The following PIP5K1C variants were observed in gnomAD, a reference collection of about 807,000 sequenced individuals.
PIP5K1C encodes phosphatidylinositol 4-phosphate 5-kinase type-1 gamma.
In PIP5K1C, 45 loss-of-function variants were observed where a neutral mutation model predicts 80.1. The ratio of observed to expected loss-of-function variants is 0.56; its 90% CI spans 0.44 to 0.72. PIP5K1C has a LOEUF of 0.72. Among genes scored for constraint, PIP5K1C ranks in the 30% least tolerant of loss-of-function variants. The pLI is 0.00. For missense variants in PIP5K1C, 753 were observed against 954.6 expected, an observed-to-expected ratio of 0.79 and a Z score of 2.78; for synonymous variants, 498 against 420.1, an observed-to-expected ratio of 1.19 and a Z score of -2.27.
chr19:3,682,444 C>T (rs995400455), intron 1 of PIP5K1C, among the ~76,000 whole-genome samples: 4 of 151,756 alleles, frequency 2.6e-5, no homozygotes, highest in African/African-American at 7.3e-5. Flanking sequence ...CACTTGGAGG[C>T]CGAGGTGGGA....
Position 3,633,418 on chromosome 19 carries a change from G to C in PIP5K1C, c.2004+19C>G. 1.4e-6 allele frequency: 2 copies of C among 1,443,464 alleles called. No homozygotes were observed. Among genetic ancestry groups the C allele is most frequent in the Non-Finnish European group, 1.8e-6 (2 of 1,091,634 alleles). The allele number at this position is 1,443,464 out of a possible 1,614,324, so 89.4% of individuals were successfully genotyped here. A position where few individuals can be genotyped will look rare whatever the true frequency, so the allele number is the denominator to read the frequency against. On this transcript the variant is annotated intron_variant, in intron 17 of 17. Coordinates refer to ENST00000335312, the MANE Select transcript of PIP5K1C (RefSeq NM_012398.3). ...CTTGGAGCCCACGGGACCGGCGGGT[G>C]CACCTGGGCTGCACTTACTGTGTCG... is the stretch of plus-strand genomic sequence containing the variant.
intron 1 of PIP5K1C, among the ~76,000 whole-genome samples, chr19:3,677,702 G>A (rs1399531909): frequency 5.5e-5 from 8 of 145,730 alleles, no homozygotes; most frequent in African/African-American, 1.5e-4. Context: ...GAGGGATGGC[G>A]GAATGGAGGG....
chr19:3,647,773 C>T (rs1434543293), intron 9 of PIP5K1C, among the ~76,000 whole-genome samples: 2 of 152,142 alleles, frequency 1.3e-5, no homozygotes, highest in Non-Finnish European at 2.9e-5. Flanking sequence ...ATGGTGAAAC[C>T]CCATCTCTAC....
intron 16 of PIP5K1C, chr19:3,636,405 T>G (rs2033688323): frequency 1.0e-6 from 1 of 985,338 alleles, no homozygotes; most frequent in Admixed American, 6.1e-5. Context: ...CTTCCGCTTC[T>G]GCTGTGCCTG....
chr19:3,637,941 C>G lies in PIP5K1C; in HGVS notation c.1920+943G>C, dbSNP rs1348109609. On this transcript the variant is annotated intron_variant, in intron 16 of 17. Coordinates refer to ENST00000335312, the MANE Select transcript of PIP5K1C (RefSeq NM_012398.3). This position sits in a 1 kb window ranked among gnomAD's most constrained non-coding sequence, Gnocchi z 7.0. ...TGACGACGTGCGGTGGGTAGGGGCACAGGCACGCGGCCCGTCCCTCCCTTC... is the reference window on the plus strand; with the variant it reads ...TGACGACGTGCGGTGGGTAGGGGCAGAGGCACGCGGCCCGTCCCTCCCTTC... 24 of 1,534,988 alleles carry G rather than the reference C, an allele frequency of 1.6e-5. No homozygotes were observed. Among genetic ancestry groups the G allele is most frequent in the Non-Finnish European group, 2.1e-5 (24 of 1,146,638 alleles).
chr19:3,680,440 G>C (rs60822063), intron 1 of PIP5K1C, among the ~76,000 whole-genome samples: 85 of 152,230 alleles, frequency 5.6e-4, no homozygotes, highest in African/African-American at 2.0e-3. Context: ...GAGTAGCTGG[G>C]ATTAAAGGGA....
chr19:3,687,958 G>A (rs2035816156), intron 1 of PIP5K1C, among the ~76,000 whole-genome samples: 1 of 152,218 alleles, frequency 6.6e-6, no homozygotes, highest in Non-Finnish European at 1.5e-5. Context: ...GGGAGAAAGA[G>A]GCTCCACTCT....
At position 3,637,719 on chromosome 19, in the gene PIP5K1C, G is replaced by A; in HGVS notation, c.1920+1165C>T. ...TGGGAGAGGCGGAGGGAGGTGGCGGGGAGCAGGTGGGGACAGCTGACTGCC... is the reference window on the plus strand; with the variant it reads ...TGGGAGAGGCGGAGGGAGGTGGCGGAGAGCAGGTGGGGACAGCTGACTGCC... On this transcript the variant is annotated intron_variant, in intron 16 of 17. Transcript: ENST00000335312. The surrounding 1 kb of genome is among the most constrained non-coding windows in gnomAD (Gnocchi z 7.0). 1 of 1,514,680 alleles carries A rather than the reference G, an allele frequency of 6.6e-7. No homozygotes were observed. Among genetic ancestry groups the A allele is most frequent in the Non-Finnish European group, 8.8e-7 (1 of 1,135,872 alleles). 93.8% of individuals were successfully genotyped at this position (1,514,680 alleles called of 1,614,324 possible). A position where few individuals can be genotyped will look rare whatever the true frequency, so the allele number is the denominator to read the frequency against.
At chr19:3,635,577 C>T (rs1254231068) in intron 16 of PIP5K1C, among the ~76,000 whole-genome samples, 2 of 152,252 alleles carry the variant, frequency 1.3e-5, no homozygotes, top group South Asian at 2.1e-4. Flanking sequence ...CCCAGCAACT[C>T]GGGAGGCTGA....
chr19:3,661,569 C>T (rs1186771164), intron 4 of PIP5K1C, among the ~76,000 whole-genome samples: 8 of 152,252 alleles, frequency 5.3e-5, no homozygotes, highest in Admixed American at 5.2e-4. Context: ...AGAAGGATCC[C>T]AGGACCCCAA....
rs115487966 is a variant in PIP5K1C at position 3,660,939 on chromosome 19, G to A, written c.468+27C>T. 3,444 of 1,561,200 alleles carry A rather than the reference G, an allele frequency of 2.2e-3. 59 individuals carry two copies. The African/African-American group carries it at 0.041, about 18-fold the overall frequency. ...CTGAACATGTTCTGTTTCAAGCCTG[G>A]AAGCCCGTAACAGCAAATATGCTTA... On this transcript the variant is annotated intron_variant, in intron 5 of 17. Coordinates refer to ENST00000335312, the MANE Select transcript of PIP5K1C (RefSeq NM_012398.3).
rs376705085 is a variant in PIP5K1C, at chr19:3,667,423, G to A, written c.95-70C>T. 1.6e-5 allele frequency: 25 copies of A among 1,583,096 alleles called. No individual in the cohort carries two copies. The African/African-American group carries it at 2.4e-4, about 15-fold the overall frequency. ...TCTGGGAGTCCTGGGCCCAGCCCCC[G>A]GCCCACCTTCTGGCGCCCCAGGCCT... On this transcript the variant is annotated intron_variant, in intron 1 of 17. Transcript: ENST00000335312.
chr19:3,653,316 C>T lies in PIP5K1C; in HGVS notation c.895G>A (p.Val299Ile), dbSNP rs1416022345. 1.2e-6 allele frequency: 2 copies of T among 1,609,768 alleles called. No homozygotes were observed. The highest frequency in any genetic ancestry group is 4.5e-5 in the East Asian group (2 of 44,888). Reference sequence around the variant, plus strand: ...AGGCAGTCCCGCTGCAGCGTCTTGACCAGGGCGCTGAAGGTGTCGGCGTCC... The same window carrying T: ...AGGCAGTCCCGCTGCAGCGTCTTGATCAGGGCGCTGAAGGTGTCGGCGTCC... ...LLDADTFSALVKTLQRDCLVL... is the reference protein window; with the variant it reads ...LLDADTFSALIKTLQRDCLVL... Residue 299 changes from valine to isoleucine, a missense_variant, in exon 7 of 18, where the codon GTC (valine) becomes ATC (isoleucine). Transcript: ENST00000335312.
chr19:3,646,137 G>GT, intron 10 of PIP5K1C, 79 bp from the exon 11 acceptor site: 1 of 840,434 alleles, frequency 1.2e-6, no homozygotes. Context: ...GACAGACGCT[G>GT]TATGTGTGTG....
In PIP5K1C at chr19:3,659,726, G is replaced by T. The variant is rs369092384; in HGVS notation, c.468+1240C>A. On this transcript the variant is annotated intron_variant, in intron 5 of 17. Coordinates refer to ENST00000335312, the MANE Select transcript of PIP5K1C (RefSeq NM_012398.3). Reference sequence around the variant, plus strand: ...AGGCTGGAGTTCTCGGGGCGGGGGAGGGGGGGGTGTCACACGTACCCCTGG... The same window carrying T: ...AGGCTGGAGTTCTCGGGGCGGGGGATGGGGGGGTGTCACACGTACCCCTGG... 9.7e-4 allele frequency among the ~76,000 whole-genome samples: 145 copies of T among 149,884 alleles called. 1 individual carries two copies. The highest frequency in any genetic ancestry group is 3.4e-3 in the African/African-American group (139 of 40,686).
intron 16 of PIP5K1C, chr19:3,636,784 G>C: frequency 2.0e-6 from 2 of 986,684 alleles, no homozygotes; most frequent in Non-Finnish European, 2.4e-6. Context: ...GCTTTGTCTC[G>C]AGGGGACACT....
intron 1 of PIP5K1C, among the ~76,000 whole-genome samples, chr19:3,685,540 C>A (rs2035733262): frequency 1.3e-5 from 2 of 152,086 alleles, no homozygotes; most frequent in Admixed American, 6.6e-5. Context: ...ACCATCCTGG[C>A]TAACACGGTG....
chr19:3,643,384 G>C lies in PIP5K1C; in HGVS notation c.1511-3C>G. On this transcript the variant is annotated splice_polypyrimidine_tract_variant and splice_region_variant and intron_variant, in intron 12 of 17. Transcript: ENST00000335312. Reference sequence around the variant, plus strand: ...GCAGGGCAGGAGGTCGGGCCGGCCTGAGGGGAGAGGACTGTGGGCACCTTG... The same window carrying C: ...GCAGGGCAGGAGGTCGGGCCGGCCTCAGGGGAGAGGACTGTGGGCACCTTG... 2 of 1,613,250 alleles carry C rather than the reference G, an allele frequency of 1.2e-6. No individual in the cohort carries two copies. The highest frequency in any genetic ancestry group is 1.1e-5 in the South Asian group (1 of 91,084).
At chr19:3,660,108 C>T (rs561223467) in intron 5 of PIP5K1C, among the ~76,000 whole-genome samples, 4 of 152,254 alleles carry the variant, frequency 2.6e-5, no homozygotes, top group East Asian at 1.9e-4. Context: ...GAGGCTGAGG[C>T]GGTAGCTCAC....
Sources: allele counts gnomAD v4.1 joint callset (sites outside exome capture counted in the v4.1 genomes callset), GRCh38; gene constraint gnomAD v4.1.1; non-coding constraint Gnocchi (gnomAD v3.1); transcripts MANE v1.5; gene names NCBI Gene and HGNC (gene_info 2026-07-23, HGNC 2026-07-21).